Variants in HPSE2 observed in about 807,000 individuals in gnomAD.
HPSE2 encodes the protein heparanase 2 (inactive).
In HPSE2, 38 loss-of-function variants were observed where a neutral mutation model predicts 60.5. The ratio of observed to expected loss-of-function variants is 0.63; its 90% CI spans 0.48 to 0.82. HPSE2 has a LOEUF of 0.82. Among genes scored for constraint, HPSE2 ranks in the 40% least tolerant of loss-of-function variants. HPSE2 has a pLI of 0.00. For synonymous variants in HPSE2, 295 were observed against 293.2 expected (o/e 1.01, Z -0.06); for missense variants, 713 against 740.4 (o/e 0.96, Z 0.43).
chr10:98,896,045 C>G (rs1389356667), intron 3 of HPSE2, among the ~76,000 whole-genome samples: 8 of 151,166 alleles, frequency 5.3e-5, no homozygotes, highest in Admixed American at 4.6e-4. Context: ...TGTAACTAAC[C>G]TGCACATTGT....
the HPSE2 span, among the ~76,000 whole-genome samples, chr10:99,305,632 A>T: frequency 2.0e-5 from 3 of 152,228 alleles, no homozygotes; most frequent in African/African-American, 7.2e-5. Context: ...TTATTTTAAC[A>T]TAATACATCT....
At chr10:99,117,573 A>T (rs1365219808) in intron 3 of HPSE2, among the ~76,000 whole-genome samples, 1 of 152,014 alleles carries the variant, frequency 6.6e-6, no homozygotes, top group African/African-American at 2.4e-5. Context: ...AATCATAAGC[A>T]ATTATTATAA....
At chr10:99,152,304 C>A (rs1209513564) in intron 2 of HPSE2, among the ~76,000 whole-genome samples, 1 of 145,036 alleles carries the variant, frequency 6.9e-6, no homozygotes, top group African/African-American at 2.6e-5. Context: ...GAGCGAGACT[C>A]CACCTCAAAA....
chr10:98,890,593 T>C (rs1272050605), intron 3 of HPSE2, among the ~76,000 whole-genome samples: 4 of 152,132 alleles, frequency 2.6e-5, no homozygotes, highest in Admixed American at 2.6e-4. Flanking sequence ...AAGATTAGCA[T>C]GGTATTGTTA....
At chr10:99,295,054 C>T in the HPSE2 span, among the ~76,000 whole-genome samples, 1 of 152,188 alleles carries the variant, frequency 6.6e-6, no homozygotes, top group Non-Finnish European at 1.5e-5. Flanking sequence ...TTCATAATAG[C>T]ATAATCTGTT....
chr10:98,900,296 C>T lies in HPSE2; in HGVS notation c.611-156240G>A, dbSNP rs527545054. ...ATGGATGAATATTAATATAATTGTA[C>T]GGAGTAAAAGAAGCCAAAACCCAGT... On this transcript the variant is annotated intron_variant, in intron 3 of 11. Transcript: ENST00000370552. Among the ~76,000 whole-genome samples the T allele has an allele frequency of 1.1e-4, 16 of 152,088 alleles. No individual in the cohort carries two copies. In the South Asian group the frequency reaches 1.9e-3, roughly 18 times the overall value.
At chr10:98,842,541 TA>T (rs200946689) in intron 3 of HPSE2, among the ~76,000 whole-genome samples, 3,691 of 135,160 alleles carry the variant, frequency 0.027, 111 homozygotes, top group East Asian at 0.17. Flanking sequence ...TAAGTGTCTT[TA>T]AAAAAAAAAA....
At chr10:98,656,820 G>T (rs1375511686) in intron 6 of HPSE2, among the ~76,000 whole-genome samples, 1 of 149,380 alleles carries the variant, frequency 6.7e-6, no homozygotes, top group African/African-American at 2.5e-5. Flanking sequence ...GGAGTGCAGT[G>T]GCCTGATTTT....
chr10:99,132,146 GAAGAAAGAAAGAAAGA>G (rs1199987336), intron 3 of HPSE2, among the ~76,000 whole-genome samples: 3 of 28,480 alleles, frequency 1.1e-4, no homozygotes, highest in African/African-American at 2.5e-4. Flanking sequence ...AGAAAGAAAG[GAAGAAAGAAAGAAAGA>G]AAGAAAGAAA....
chr10:99,188,165 C>A (rs1055415277), intron 2 of HPSE2, among the ~76,000 whole-genome samples: 1 of 152,092 alleles, frequency 6.6e-6, no homozygotes, highest in African/African-American at 2.4e-5. Flanking sequence ...ATAATACTTA[C>A]AATAAAAAGA....
intron 3 of HPSE2, among the ~76,000 whole-genome samples, chr10:99,011,803 G>T (rs773248343): frequency 6.8e-6 from 1 of 147,904 alleles, no homozygotes; most frequent in Non-Finnish European, 1.5e-5. Context: ...AGAGTATTTT[G>T]GGTCAAGTTA....
chr10:98,735,652 A>T (rs1949338865), intron 4 of HPSE2, among the ~76,000 whole-genome samples: 1 of 152,138 alleles, frequency 6.6e-6, no homozygotes, highest in Non-Finnish European at 1.5e-5. Context: ...CATCTTTTGC[A>T]TTGGCGTGAC....
chr10:98,663,816 C>T (rs1947288386), intron 6 of HPSE2, among the ~76,000 whole-genome samples: 1 of 152,178 alleles, frequency 6.6e-6, no homozygotes, highest in Non-Finnish European at 1.5e-5. Flanking sequence ...CAGCCTGGCA[C>T]CAGCTACCAT....
intron 3 of HPSE2, among the ~76,000 whole-genome samples, chr10:99,121,361 T>C (rs1170988699): frequency 1.3e-5 from 2 of 152,122 alleles, no homozygotes; most frequent in African/African-American, 2.4e-5. Context: ...AATACCTCGG[T>C]GATCAAATAA....
intron 3 of HPSE2, among the ~76,000 whole-genome samples, chr10:98,824,964 A>G (rs1951508970): frequency 6.6e-6 from 1 of 152,198 alleles, no homozygotes. Flanking sequence ...CACTCAACAG[A>G]CATTTATCAA....
chr10:99,061,677 T>C (rs971284462), intron 3 of HPSE2, among the ~76,000 whole-genome samples: 1 of 152,224 alleles, frequency 6.6e-6, no homozygotes, highest in African/African-American at 2.4e-5. Flanking sequence ...TACAGCATAG[T>C]AGTTAAGATG....
chr10:98,543,957 A>T (rs1347626828), intron 9 of HPSE2, among the ~76,000 whole-genome samples: 1 of 149,576 alleles, frequency 6.7e-6, no homozygotes, highest in Non-Finnish European at 1.5e-5. Context: ...CAGGAATTGA[A>T]CTCAGCTCTG....
At chr10:99,260,833 A>C in the HPSE2 span, among the ~76,000 whole-genome samples, 3 of 151,886 alleles carry the variant, frequency 2.0e-5, no homozygotes, top group Non-Finnish European at 4.4e-5. Flanking sequence ...CTCCTTCACT[A>C]TGGGCAACCT....
At chr10:99,138,101 A>C (rs1025940387) in intron 3 of HPSE2, among the ~76,000 whole-genome samples, 1 of 152,248 alleles carries the variant, frequency 6.6e-6, no homozygotes, top group African/African-American at 2.4e-5. Flanking sequence ...GACACTTCTC[A>C]AAAGAAGACA....
Sources: gnomAD v4.1 joint callset for allele counts (sites outside exome capture counted in the v4.1 genomes callset) on GRCh38, gnomAD v4.1.1 for gene constraint, MANE v1.5 for transcripts, NCBI Gene and HGNC (gene_info 2026-07-23, HGNC 2026-07-21) for gene names.